DENND2A: variants seen among roughly 807,000 people sequenced by gnomAD.
DENND2A encodes the protein DENN domain-containing protein 2A.
In DENND2A, 53 loss-of-function variants were observed where a neutral mutation model predicts 105.3. The ratio of observed to expected loss-of-function variants is 0.50; its 90% CI spans 0.40 to 0.63. The LOEUF (loss-of-function observed/expected upper bound fraction) is 0.63, where lower values mean the gene tolerates loss of function less well. Among genes scored for constraint, DENND2A ranks in the 30% least tolerant of loss-of-function variants. The probability of loss-of-function intolerance (pLI) is 0.00; values close to 1 mark genes in which losing one functional copy is unlikely to be tolerated. For synonymous variants in DENND2A, 522 were observed against 508.4 expected (o/e 1.03, Z -0.36); for missense variants, 1,138 against 1,279.6 (o/e 0.89, Z 1.69).
chr7:140,587,851 A>C, intron 3 of DENND2A, 71 bp from the exon 4 acceptor site: 1 of 1,392,362 alleles, frequency 7.2e-7, no homozygotes, highest in Non-Finnish European at 9.4e-7. Context: ...AGAATATATT[A>C]ATATATCCCC....
intron 15 of DENND2A, 86 bp from the exon 16 acceptor site, chr7:140,525,878 G>T: frequency 2.6e-6 from 3 of 1,156,268 alleles, no homozygotes; most frequent in Non-Finnish European, 2.4e-6. Context: ...TTCTTGGCAT[G>T]CAGAGAGGCA....
chr7:140,601,037 C>T lies in DENND2A; in HGVS notation c.995+366G>A, dbSNP rs114772747. Among the ~76,000 whole-genome samples the T allele has an allele frequency of 6.0e-3, 916 of 152,212 alleles. 6 individuals are homozygous for T. Among genetic ancestry groups the T allele is most frequent in the African/African-American group, 0.02 (850 of 41,528 alleles). ...GCCAGTGTATTTCTAAAGCCCACACCAAGAAAAATTCAAGCACTGGTAGTT... is the reference window on the plus strand; with the variant it reads ...GCCAGTGTATTTCTAAAGCCCACACTAAGAAAAATTCAAGCACTGGTAGTT... On this transcript the variant is annotated intron_variant, in intron 3 of 19. Transcript: ENST00000496613.
chr7:140,603,671 C>A (rs894135233), intron 2 of DENND2A, among the ~76,000 whole-genome samples: 7 of 152,166 alleles, frequency 4.6e-5, no homozygotes, highest in African/African-American at 1.7e-4. Flanking sequence ...TGAATGAATG[C>A]GTGAATAAAG....
chr7:140,602,514 TCTCAGTCCTTGGACCTTCCAC>T lies in DENND2A; in HGVS notation c.-138_-118del. On this transcript the variant is annotated 5_prime_UTR_variant, in exon 3 of 20. Coordinates refer to ENST00000496613, the MANE Select transcript of DENND2A (RefSeq NM_015689.5). ...TAAAGTGGATGCCTTCGAGGGTCTT[TCTCAGTCCTTGGACCTTCCAC>T]CTTGACCCTGCACAAGAAAGACAAA... The T allele has an allele frequency of 1.7e-6, 2 of 1,168,178 alleles. No homozygotes were observed. The highest frequency in any genetic ancestry group is 2.3e-6 in the Non-Finnish European group (2 of 863,614). The allele number at this position is 1,168,178 out of a possible 1,614,324, so 72.4% of individuals were successfully genotyped here.
chr7:140,607,365 G>A (rs1799730845), intron 1 of DENND2A, among the ~76,000 whole-genome samples: 1 of 152,178 alleles, frequency 6.6e-6, no homozygotes, highest in African/African-American at 2.4e-5. Flanking sequence ...ATGAACAAGA[G>A]GGAGGCTGGG....
intron 1 of DENND2A, among the ~76,000 whole-genome samples, chr7:140,630,517 A>C (rs1585792972): frequency 6.6e-6 from 1 of 152,106 alleles, no homozygotes; most frequent in African/African-American, 2.4e-5. Context: ...CAATTAAAAC[A>C]ACCAAAACAG....
In DENND2A at chr7:140,521,965, C is replaced by A; in HGVS notation, c.2801G>T (p.Arg934Leu). 1 of 1,614,142 alleles carries A rather than the reference C, an allele frequency of 6.2e-7. No individual in the cohort carries two copies. Among genetic ancestry groups the A allele is most frequent in the Non-Finnish European group, 8.5e-7 (1 of 1,180,040 alleles). Residue 934 changes from arginine (R) to leucine (L), a missense_variant, in exon 18 of 20, where the codon CGC (arginine) becomes CTC (leucine). Coordinates refer to ENST00000496613, the MANE Select transcript of DENND2A (RefSeq NM_015689.5). ...EERTLQREAFRKAVSSKSLRH... is the reference protein window; with the variant it reads ...EERTLQREAFLKAVSSKSLRH... The stretch of plus-strand genomic sequence containing the variant: ...GAGGCTCTTGGAGGAGACAGCTTTG[C>A]GGAAGGCCTCCCGCTGCAGGGTTCT...
chr7:140,574,093 A>G, intron 5 of DENND2A, 85 bp from the exon 6 acceptor site: 1 of 1,491,658 alleles, frequency 6.7e-7, no homozygotes, highest in Non-Finnish European at 9.3e-7. Context: ...GGACGAGACA[A>G]TGAAATTGAG....
At chr7:140,620,513 C>G (rs79484224) in intron 1 of DENND2A, among the ~76,000 whole-genome samples, 4 of 152,056 alleles carry the variant, frequency 2.6e-5, no homozygotes, top group Admixed American at 6.6e-5. Flanking sequence ...ACCACCCCCC[C>G]ACCAGATTTC....
At position 140,518,674 on chromosome 7, in the gene DENND2A, C is replaced by T; in HGVS notation, c.*33G>A. ...GAACTGTTTTTAAAGCATAGGGCTG[C>T]ACTAGGAGGAAGTTTTCCCTTGAGG... On this transcript the variant is annotated 3_prime_UTR_variant, in exon 20 of 20. Transcript: ENST00000496613. 6.2e-7 allele frequency: 1 copy of T among 1,608,348 alleles called. No individual in the cohort carries two copies. The highest frequency in any genetic ancestry group is 8.5e-7 in the Non-Finnish European group (1 of 1,174,776).
intron 1 of DENND2A, among the ~76,000 whole-genome samples, chr7:140,609,339 C>G (rs578024968): frequency 6.6e-6 from 1 of 151,684 alleles, no homozygotes; most frequent in African/African-American, 2.4e-5. Context: ...ATGGGGAAAC[C>G]CTGTCTCTAC....
rs1797830126 is a variant in DENND2A at position 140,566,223 on chromosome 7, G to T, written c.1779+863C>A. Among the ~76,000 whole-genome samples the T allele has an allele frequency of 2.0e-5, 3 of 152,116 alleles. No homozygotes were observed. In the South Asian group the frequency reaches 6.2e-4, roughly 32 times the overall value. ...ATTTTTGTATTTTTAGTAGAGAGTG[G>T]GTTTTGCCATGTTGGCCAGGCTGGT... is the stretch of plus-strand genomic sequence containing the variant. On this transcript the variant is annotated intron_variant, in intron 9 of 19. Coordinates refer to ENST00000496613, the MANE Select transcript of DENND2A (RefSeq NM_015689.5).
chr7:140,601,806 C>T lies in DENND2A; in HGVS notation c.592G>A (p.Gly198Arg), dbSNP rs1316343575. Residue 198 changes from glycine to arginine, a missense_variant, in exon 3 of 20, where the codon GGG (glycine) becomes AGG (arginine). Gly to Arg is a moderately radical substitution (Grantham distance 125). Transcript: ENST00000496613. Reference sequence around the variant, plus strand: ...CCCAGGTTCTCAGGAAGGGTGGACCCTGCCTCTGCCTTGTCAGGAGGGCAG... The same window carrying T: ...CCCAGGTTCTCAGGAAGGGTGGACCTTGCCTCTGCCTTGTCAGGAGGGCAG... Reference protein sequence around the residue: ...PHCPPDKAEAGSTLPENLGGG... With the variant: ...PHCPPDKAEARSTLPENLGGG... 6.2e-7 allele frequency: 1 copy of T among 1,614,038 alleles called. No homozygotes were observed. The highest frequency in any genetic ancestry group is 8.5e-7 in the Non-Finnish European group (1 of 1,180,034).
chr7:140,592,622 CAG>C (rs1315166259), intron 3 of DENND2A, among the ~76,000 whole-genome samples: 1 of 149,586 alleles, frequency 6.7e-6, no homozygotes, highest in African/African-American at 2.5e-5. Flanking sequence ...TTTTTTGAGA[CAG>C]AGTCTGGCTC....
chr7:140,524,760 T>A (rs1002597097), intron 16 of DENND2A, among the ~76,000 whole-genome samples: 12 of 151,758 alleles, frequency 7.9e-5, no homozygotes, highest in Admixed American at 4.6e-4. Flanking sequence ...TTAATTTTTT[T>A]ATAGACACAA....
chr7:140,539,990 C>T (rs1053013324), intron 14 of DENND2A, among the ~76,000 whole-genome samples: 4 of 152,214 alleles, frequency 2.6e-5, no homozygotes, highest in Non-Finnish European at 5.9e-5. Flanking sequence ...CAGAGCCATG[C>T]GGGGCCGCGT....
intron 1 of DENND2A, among the ~76,000 whole-genome samples, chr7:140,620,918 G>A (rs191005958): frequency 5.9e-4 from 90 of 152,202 alleles, no homozygotes; most frequent in Middle Eastern, 3.4e-3. Flanking sequence ...TGGTATCCTC[G>A]GGGGATTGGT....
chr7:140,631,741 C>T (rs1292303950), intron 1 of DENND2A, among the ~76,000 whole-genome samples: 3 of 152,168 alleles, frequency 2.0e-5, no homozygotes, highest in Non-Finnish European at 4.4e-5. Context: ...GATGACCACA[C>T]ACTTCATGAC....
intron 12 of DENND2A, 64 bp downstream of exon 12, chr7:140,555,572 C>T (rs1426439678): frequency 1.4e-6 from 2 of 1,441,862 alleles, no homozygotes; most frequent in Admixed American, 1.9e-5. Flanking sequence ...GGGGGTATTC[C>T]CTGGAGCCCT....
Sources: allele counts gnomAD v4.1 joint callset (sites outside exome capture counted in the v4.1 genomes callset), GRCh38; gene constraint gnomAD v4.1.1; transcripts MANE v1.5; gene names NCBI Gene and HGNC (gene_info 2026-07-23, HGNC 2026-07-21).